The following FGGY variants were observed in gnomAD, a reference collection of about 807,000 sequenced individuals.
FGGY encodes FGGY carbohydrate kinase domain-containing protein.
A neutral mutation model predicts 71.3 loss-of-function variants in FGGY; 72 were observed. The observed-to-expected ratio is 1.01, with a 90% CI of 0.84 to 1.23. The LOEUF is 1.23. FGGY is among the 50% of genes most tolerant of loss of function. FGGY has a pLI of 0.00. For synonymous variants in FGGY, 251 were observed against 250.3 expected, an observed-to-expected ratio of 1.00 and a Z score of -0.02; for missense variants, 668 against 682.3, an observed-to-expected ratio of 0.98 and a Z score of 0.23.
intron 4 of FGGY, among the ~76,000 whole-genome samples, chr1:59,371,320 A>G (rs2057587788): frequency 6.6e-6 from 1 of 152,188 alleles, no homozygotes; most frequent in Non-Finnish European, 1.5e-5. Context: ...AGGCCATTAC[A>G]TAATGGTAAA....
At position 59,640,234 on chromosome 1, in the gene FGGY, G is replaced by GGA. The variant is rs145850319; in HGVS notation, c.1221+1862_1221+1863dup. On this transcript the variant is annotated intron_variant, in intron 11 of 15. Coordinates refer to ENST00000303721, the MANE Select transcript of FGGY (RefSeq NM_018291.5). ...ATGAATTTGCATCACAACACTGGAA[G>GGA]GAGAAGATGACCTAAATAAGATAGA... Among the ~76,000 whole-genome samples the GGA allele has an allele frequency of 3.5e-3, 540 of 152,294 alleles. 4 individuals are homozygous for GGA. The highest frequency in any genetic ancestry group is 0.012 in the African/African-American group (516 of 41,564).
intron 6 of FGGY, among the ~76,000 whole-genome samples, chr1:59,473,764 G>A (rs969057983): frequency 1.2e-4 from 18 of 152,176 alleles, no homozygotes; most frequent in African/African-American, 4.3e-4. Context: ...TTCAAGAGAT[G>A]GTTCTAATTA....
chr1:59,515,617 T>A (rs956274712), intron 7 of FGGY, among the ~76,000 whole-genome samples: 1 of 152,150 alleles, frequency 6.6e-6, no homozygotes, highest in Non-Finnish European at 1.5e-5. Flanking sequence ...GGGGAGGGAA[T>A]TGAATCATAA....
intron 14 of FGGY, among the ~76,000 whole-genome samples, chr1:59,713,864 G>A (rs557641851): frequency 3.3e-5 from 5 of 152,296 alleles, no homozygotes; most frequent in African/African-American, 7.2e-5. Flanking sequence ...GCATACTTCA[G>A]TATTTTCTAG....
chr1:59,456,847 G>T, intron 5 of FGGY, 114 bp from the exon 6 acceptor site: 1 of 656,036 alleles, frequency 1.5e-6, no homozygotes, highest in South Asian at 1.9e-5. Flanking sequence ...TATCTACACT[G>T]GCTTATTCCA....
intron 2 of FGGY, among the ~76,000 whole-genome samples, chr1:59,337,164 C>T (rs1035293646): frequency 7.9e-5 from 12 of 151,590 alleles, no homozygotes; most frequent in Non-Finnish European, 2.9e-5. Flanking sequence ...AGTAGTGTGG[C>T]TCAGTTCAAG....
intron 14 of FGGY, among the ~76,000 whole-genome samples, chr1:59,686,445 A>C (rs553807359): frequency 6.6e-6 from 1 of 152,314 alleles, no homozygotes; most frequent in Non-Finnish European, 1.5e-5. Context: ...TCATAGCAAA[A>C]ATACCCTGTT....
chr1:59,669,567 T>C (rs12058226), intron 13 of FGGY, among the ~76,000 whole-genome samples: 1 of 66,784 alleles, frequency 1.5e-5, no homozygotes, highest in Non-Finnish European at 3.3e-5. Context: ...TTTTTTTTTG[T>C]ATTTTTTGGT....
intron 5 of FGGY, among the ~76,000 whole-genome samples, chr1:59,414,958 G>A (rs1007050164): frequency 1.3e-5 from 2 of 152,218 alleles, no homozygotes; most frequent in Non-Finnish European, 1.5e-5. Flanking sequence ...CATGGAAGAT[G>A]TCTGGGACAT....
At chr1:59,348,818 G>A (rs1411702434) in intron 4 of FGGY, among the ~76,000 whole-genome samples, 4 of 152,102 alleles carry the variant, frequency 2.6e-5, no homozygotes, top group African/African-American at 9.7e-5. Context: ...AGGCTTCTGT[G>A]GTTGCTAAGA....
intron 7 of FGGY, among the ~76,000 whole-genome samples, chr1:59,529,723 G>A (rs2095089037): frequency 1.3e-5 from 2 of 152,154 alleles, no homozygotes; most frequent in South Asian, 4.1e-4. Context: ...ATCATTGAAG[G>A]TGATCTCAAG....
rs1425887720 is a variant in FGGY at position 59,482,636 on chromosome 1, A to G, written c.670+25560A>G. On this transcript the variant is annotated intron_variant, in intron 6 of 15. Transcript: ENST00000303721. ...TATGTGTGTGTGTGTGTCTGTGTGT[A>G]TATATATATATATATAAACACCATA... is the stretch of plus-strand genomic sequence containing the variant. Among the ~76,000 whole-genome samples, 166 of 146,002 alleles carry G rather than the reference A, an allele frequency of 1.1e-3. 1 individual carries two copies. The highest frequency in any genetic ancestry group is 7.1e-3 in the South Asian group (33 of 4,668).
chr1:59,655,920 C>T (rs539954880), intron 11 of FGGY, among the ~76,000 whole-genome samples: 15 of 152,268 alleles, frequency 9.9e-5, no homozygotes, highest in African/African-American at 3.6e-4. Context: ...AACCCAGGTG[C>T]CTTCCTCTAA....
At chr1:59,433,935 A>T (rs2067899313) in intron 5 of FGGY, among the ~76,000 whole-genome samples, 1 of 152,220 alleles carries the variant, frequency 6.6e-6, no homozygotes, top group Non-Finnish European at 1.5e-5. Flanking sequence ...TGTTTTTGTT[A>T]GTGACAGAGA....
At chr1:59,537,398 A>G (rs1262454909) in intron 7 of FGGY, among the ~76,000 whole-genome samples, 2 of 152,234 alleles carry the variant, frequency 1.3e-5, no homozygotes, top group Non-Finnish European at 2.9e-5. Flanking sequence ...GGAAGAATCA[A>G]TATCATGAAA....
chr1:59,404,184 A>G (rs1355247152), intron 5 of FGGY, among the ~76,000 whole-genome samples: 1 of 151,958 alleles, frequency 6.6e-6, no homozygotes, highest in African/African-American at 2.4e-5. Context: ...TGGGAGGGGA[A>G]CAACACACAC....
intron 11 of FGGY, among the ~76,000 whole-genome samples, chr1:59,647,391 A>T (rs2153911799): frequency 6.6e-6 from 1 of 152,322 alleles, no homozygotes; most frequent in South Asian, 2.1e-4. Context: ...ATTCACCAAT[A>T]GAGTAAGGTC....
At chr1:59,564,619 C>T (rs940763102) in intron 8 of FGGY, among the ~76,000 whole-genome samples, 3 of 152,252 alleles carry the variant, frequency 2.0e-5, no homozygotes, top group African/African-American at 7.2e-5. Flanking sequence ...CCACTCCACA[C>T]TTACTAGAAT....
At chr1:59,400,318 C>A (rs1290500460) in intron 5 of FGGY, among the ~76,000 whole-genome samples, 2 of 152,178 alleles carry the variant, frequency 1.3e-5, no homozygotes, top group Non-Finnish European at 2.9e-5. Context: ...ATCTAAGCTG[C>A]ATGCTTACCA....
Sources: gnomAD v4.1 joint callset for allele counts (sites outside exome capture counted in the v4.1 genomes callset) on GRCh38, gnomAD v4.1.1 for gene constraint, MANE v1.5 for transcripts, NCBI Gene and HGNC (gene_info 2026-07-23, HGNC 2026-07-21) for gene names.